Variants in SLC9C2 observed in about 807,000 individuals in gnomAD.
The protein encoded by SLC9C2 is sodium/hydrogen exchanger 11.
SLC9C2 carries 75 observed loss-of-function variants against 140.2 expected under a neutral mutation model. The ratio of observed to expected loss-of-function variants is 0.53; its 90% CI spans 0.44 to 0.65. The LOEUF is 0.65. Ranked by LOEUF, SLC9C2 falls within the 30% of genes least tolerant of loss-of-function variation. The pLI, the probability that SLC9C2 is intolerant of heterozygous loss-of-function variation, is 0.00. For missense variants in SLC9C2, 1,074 were observed against 1,331.8 expected, an observed-to-expected ratio of 0.81 and a Z score of 3.01; for synonymous variants, 375 against 420.9, an observed-to-expected ratio of 0.89 and a Z score of 1.34.
At chr1:173,583,327 A>G (rs1665663168) in intron 6 of SLC9C2, among the ~76,000 whole-genome samples, 179 bp downstream of exon 6, 1 of 152,134 alleles carries the variant, frequency 6.6e-6, no homozygotes, top group Admixed American at 6.5e-5. Context: ...TTTGATCTGC[A>G]GTTGGTTGAA....
Position 173,526,610 on chromosome 1 carries a change from A to C in SLC9C2, c.2365+53T>G, listed in dbSNP as rs377687644. The C allele has an allele frequency of 6.9e-5, 96 of 1,390,780 alleles. No homozygotes were observed. The African/African-American group carries it at 1.4e-3, about 20-fold the overall frequency. The allele number at this position is 1,390,780 out of a possible 1,614,324, so 86.2% of individuals were successfully genotyped here. On this transcript the variant is annotated intron_variant, in intron 19 of 27. Transcript: ENST00000367714. Reference sequence around the variant, plus strand: ...GCATGAATTGTTCTTCTTTTATTAAATTATAGGACAATAAGGTATGACTTT... The same window carrying C: ...GCATGAATTGTTCTTCTTTTATTAACTTATAGGACAATAAGGTATGACTTT...
intron 23 of SLC9C2, among the ~76,000 whole-genome samples, chr1:173,517,070 G>A (rs1356309202): frequency 6.6e-6 from 1 of 152,104 alleles, no homozygotes; most frequent in African/African-American, 2.4e-5. Flanking sequence ...GATCAGTTAT[G>A]TTGAGCTTTT....
chr1:173,518,349 C>T (rs191643975), intron 22 of SLC9C2, among the ~76,000 whole-genome samples: 42 of 151,980 alleles, frequency 2.8e-4, no homozygotes, highest in Admixed American at 3.9e-4. Context: ...ATATTCTTAC[C>T]GCAATGGGCT....
At chr1:173,509,486 GT>G in intron 24 of SLC9C2, 81 bp downstream of exon 24, 1 of 1,235,310 alleles carries the variant, frequency 8.1e-7, no homozygotes, top group Non-Finnish European at 1.1e-6. Context: ...TTCTATTTTT[GT>G]CTCAAAAATA....
chr1:173,559,873 C>A (rs527315050), intron 9 of SLC9C2, among the ~76,000 whole-genome samples: 3 of 152,300 alleles, frequency 2.0e-5, no homozygotes, highest in African/African-American at 7.2e-5. Flanking sequence ...AGGGGTGGAG[C>A]AGTCTCCTCA....
intron 9 of SLC9C2, among the ~76,000 whole-genome samples, chr1:173,561,862 GACAC>G (rs1034067865): frequency 2.5e-5 from 3 of 122,270 alleles, no homozygotes; most frequent in African/African-American, 9.6e-5. Context: ...CACAGACACA[GACAC>G]ACACACACAC....
At chr1:173,596,393 C>T (rs953295635) in intron 4 of SLC9C2, 5 of 152,150 alleles carry the variant, frequency 3.3e-5, no homozygotes, top group African/African-American at 1.2e-4. Flanking sequence ...TTCTCACCAA[C>T]AATGTATGCA....
chr1:173,569,873 C>T (rs1231648626), intron 9 of SLC9C2, among the ~76,000 whole-genome samples: 1 of 152,070 alleles, frequency 6.6e-6, no homozygotes, highest in Non-Finnish European at 1.5e-5. Context: ...GTATTCAAAC[C>T]ATAAGACAAA....
At chr1:173,502,622 A>T (rs935895635) in intron 27 of SLC9C2, among the ~76,000 whole-genome samples, 10 of 152,102 alleles carry the variant, frequency 6.6e-5, no homozygotes, top group Admixed American at 1.3e-4. Flanking sequence ...AACTTCTCTA[A>T]ATTTGTCCTG....
intron 13 of SLC9C2, among the ~76,000 whole-genome samples, chr1:173,546,036 A>T (rs1475325089): frequency 6.6e-6 from 1 of 152,152 alleles, no homozygotes; most frequent in African/African-American, 2.4e-5. Flanking sequence ...CACTTTTGCC[A>T]TATTTTATGC....
intron 13 of SLC9C2, among the ~76,000 whole-genome samples, chr1:173,544,775 C>T (rs1021262743): frequency 6.6e-6 from 1 of 152,146 alleles, no homozygotes; most frequent in African/African-American, 2.4e-5. Context: ...CCAAACACCA[C>T]ATGTTCTCAC....
chr1:173,501,700 C>T (rs931367318), intron 27 of SLC9C2, among the ~76,000 whole-genome samples: 26 of 151,758 alleles, frequency 1.7e-4, no homozygotes, highest in Admixed American at 9.8e-4. Flanking sequence ...TGAGCCACCA[C>T]GCCAGACCAA....
chr1:173,534,877 A>G (rs896144523), intron 15 of SLC9C2, among the ~76,000 whole-genome samples, 195 bp from the exon 16 acceptor site: 8 of 152,032 alleles, frequency 5.3e-5, no homozygotes, highest in African/African-American at 1.9e-4. Flanking sequence ...ATGATTTTTA[A>G]AAATCCATAT....
intron 23 of SLC9C2, among the ~76,000 whole-genome samples, chr1:173,515,419 C>T (rs1204787582): frequency 1.3e-5 from 2 of 152,168 alleles, no homozygotes; most frequent in Admixed American, 6.5e-5. Context: ...GGTCTTCAGA[C>T]TCTGATATCC....
At chr1:173,580,355 CTT>C (rs60721581) in intron 7 of SLC9C2, among the ~76,000 whole-genome samples, 8 of 146,426 alleles carry the variant, frequency 5.5e-5, no homozygotes, top group Non-Finnish European at 7.6e-5. Flanking sequence ...TGATATAACA[CTT>C]TTTTTTTTTT....
intron 13 of SLC9C2, among the ~76,000 whole-genome samples, chr1:173,544,981 A>G (rs1348636015): frequency 6.6e-6 from 1 of 152,194 alleles, no homozygotes; most frequent in South Asian, 2.1e-4. Flanking sequence ...CGTTGTGCAC[A>G]TGTACCCTAG....
chr1:173,595,628 T>G (rs1257138975), intron 4 of SLC9C2, among the ~76,000 whole-genome samples: 1 of 151,806 alleles, frequency 6.6e-6, no homozygotes, highest in Non-Finnish European at 1.5e-5. Context: ...CACCAAAAAA[T>G]AGAACATAAA....
At chr1:173,543,434 G>A (rs957814494) in intron 13 of SLC9C2, among the ~76,000 whole-genome samples, 1 of 152,246 alleles carries the variant, frequency 6.6e-6, no homozygotes, top group Non-Finnish European at 1.5e-5. Context: ...ACTGCCCAAG[G>A]CAATTTATAG....
At chr1:173,576,894 T>C (rs1665215922) in intron 7 of SLC9C2, 134 bp from the exon 8 acceptor site, 2 of 629,652 alleles carry the variant, frequency 3.2e-6, no homozygotes, top group Non-Finnish European at 5.3e-6. Context: ...CTTCAAGGGA[T>C]TGACCTAATC....
Sources: gnomAD v4.1 joint callset for allele counts (sites outside exome capture counted in the v4.1 genomes callset) on GRCh38, gnomAD v4.1.1 for gene constraint, MANE v1.5 for transcripts, NCBI Gene and HGNC (gene_info 2026-07-23, HGNC 2026-07-21) for gene names.